The following FHIT variants were observed in gnomAD, a reference collection of about 807,000 sequenced individuals.
The protein encoded by FHIT is bis(5'-adenosyl)-triphosphatase.
A neutral mutation model predicts 17.9 loss-of-function variants in FHIT; 19 were observed. That is an observed-to-expected ratio of 1.06 (90% confidence interval 0.74 to 1.56). The LOEUF (loss-of-function observed/expected upper bound fraction) is 1.56, where lower values mean the gene tolerates loss of function less well. FHIT is among the 40% of genes most tolerant of loss of function. The pLI, the probability that FHIT is intolerant of heterozygous loss-of-function variation, is 0.00. For missense variants in FHIT, 248 were observed against 189.2 expected (o/e 1.31, Z -1.82); for synonymous variants, 81 against 69.7 (o/e 1.16, Z -0.81).
At chr3:59,991,215 T>C (rs1709218329) in intron 7 of FHIT, among the ~76,000 whole-genome samples, 1 of 152,098 alleles carries the variant, frequency 6.6e-6, no homozygotes, top group South Asian at 2.1e-4. Flanking sequence ...TGTATAGTAG[T>C]GTCTGACTTT....
intron 8 of FHIT, among the ~76,000 whole-genome samples, chr3:59,895,986 T>C (rs80054531): frequency 0.011 from 1,652 of 152,312 alleles, 36 homozygotes; most frequent in African/African-American, 0.037. Context: ...TGGCTGGCAC[T>C]TTCACATAAT....
chr3:60,673,855 A>G (rs1553694609), intron 4 of FHIT, among the ~76,000 whole-genome samples: 1 of 152,004 alleles, frequency 6.6e-6, no homozygotes, highest in African/African-American at 2.4e-5. Context: ...TTGGATTTTT[A>G]TCAGTTGGCC....
rs189051182 is a variant in FHIT at position 60,950,812 on chromosome 3, C to A, written c.-111+91235G>T. ...TGCTGAGATTACAGGCGTGAGCCAC[C>A]ATGCCCGGCCTAGGTAGGGCTTTTC... On this transcript the variant is annotated intron_variant, in intron 3 of 9. Transcript: ENST00000492590. 5.3e-5 allele frequency among the ~76,000 whole-genome samples: 8 copies of A among 151,494 alleles called. 1 individual carries two copies. The highest frequency in any genetic ancestry group is 2.6e-4 in the Admixed American group (4 of 15,252).
At chr3:59,754,212 G>GTAAGT (rs1701079003) in intron 8 of FHIT, among the ~76,000 whole-genome samples, 1 of 89,252 alleles carries the variant, frequency 1.1e-5, no homozygotes, top group Admixed American at 1.0e-4. Context: ...CTCCTGGTAA[G>GTAAGT]TAAGTTTGAG....
chr3:60,814,906 GTTGTTTTTT>G (rs1319559314), intron 4 of FHIT, among the ~76,000 whole-genome samples: 3 of 145,788 alleles, frequency 2.1e-5, no homozygotes, highest in Non-Finnish European at 4.5e-5. Flanking sequence ...TTTTGTTTTT[GTTGTTTTTT>G]TTTTTTTTAC....
chr3:59,998,857 C>T (rs756673407), intron 7 of FHIT, among the ~76,000 whole-genome samples: 11 of 152,136 alleles, frequency 7.2e-5, no homozygotes, highest in Admixed American at 4.6e-4. Context: ...ATTTAGAAAT[C>T]CAATAGTTAT....
intron 4 of FHIT, among the ~76,000 whole-genome samples, chr3:60,726,839 C>G (rs911720762): frequency 9.9e-5 from 15 of 152,024 alleles, no homozygotes; most frequent in Admixed American, 8.5e-4. Context: ...GACCTTGAAC[C>G]CTGTAGTCTA....
chr3:59,863,334 G>A (rs1219652351), intron 8 of FHIT, among the ~76,000 whole-genome samples: 2 of 152,172 alleles, frequency 1.3e-5, no homozygotes, highest in Admixed American at 6.5e-5. Context: ...AATTATTGGT[G>A]GTTTGGTCTA....
intron 5 of FHIT, among the ~76,000 whole-genome samples, chr3:60,079,954 C>A (rs992819534): frequency 2.0e-5 from 3 of 151,842 alleles, no homozygotes; most frequent in African/African-American, 4.8e-5. Context: ...TTTTTCTACT[C>A]CAATATGTTG....
At chr3:60,295,078 G>A (rs1396537387) in intron 5 of FHIT, among the ~76,000 whole-genome samples, 2 of 152,052 alleles carry the variant, frequency 1.3e-5, no homozygotes, top group African/African-American at 2.4e-5. Context: ...CAGTCCGCTT[G>A]TGTCGCTATA....
chr3:59,857,705 GTTT>G (rs78150569), intron 8 of FHIT, among the ~76,000 whole-genome samples: 6 of 115,394 alleles, frequency 5.2e-5, no homozygotes, highest in African/African-American at 1.1e-4. Context: ...AAAGTGCTGG[GTTT>G]TTTTTTTTTT....
chr3:60,441,044 G>C (rs1054222244), intron 5 of FHIT, among the ~76,000 whole-genome samples: 1 of 151,932 alleles, frequency 6.6e-6, no homozygotes, highest in Non-Finnish European at 1.5e-5. Flanking sequence ...CACCCCTTTT[G>C]TTTTTGCTTT....
intron 5 of FHIT, among the ~76,000 whole-genome samples, chr3:60,124,940 C>T (rs1162642931): frequency 2.0e-5 from 3 of 152,212 alleles, no homozygotes; most frequent in African/African-American, 7.2e-5. Context: ...TCAAAACCCA[C>T]ATATTAGATC....
At chr3:61,150,325 C>T (rs965269288) in intron 2 of FHIT, among the ~76,000 whole-genome samples, 2 of 151,790 alleles carry the variant, frequency 1.3e-5, no homozygotes, top group African/African-American at 2.4e-5. Context: ...GTGGGGAGCT[C>T]TCTATGTTCC....
chr3:61,169,291 T>C (rs2037928652), intron 2 of FHIT, among the ~76,000 whole-genome samples: 1 of 152,158 alleles, frequency 6.6e-6, no homozygotes. Context: ...TTTATCTCAA[T>C]TTGCAACTCA....
chr3:60,299,852 A>G (rs374393492), intron 5 of FHIT, among the ~76,000 whole-genome samples: 15 of 152,182 alleles, frequency 9.9e-5, no homozygotes, highest in African/African-American at 3.6e-4. Context: ...GGTAGGCCAC[A>G]CGTTTTTCAA....
At chr3:60,248,423 T>C (rs914306385) in intron 5 of FHIT, among the ~76,000 whole-genome samples, 3 of 152,160 alleles carry the variant, frequency 2.0e-5, no homozygotes, top group Non-Finnish European at 2.9e-5. Flanking sequence ...ATATTTCCCC[T>C]TCAGGGTGTA....
rs201487171 is a variant in FHIT at position 60,592,259 on chromosome 3, A to ACT, written c.-17-55282_-17-55281dup. 4.3e-3 allele frequency among the ~76,000 whole-genome samples: 618 copies of ACT among 143,086 alleles called. 4 individuals are homozygous for ACT. The highest frequency in any genetic ancestry group is 9.4e-3 in the African/African-American group (377 of 40,052). 93.9% of individuals were successfully genotyped at this position (143,086 alleles called of 152,430 possible). A position where few individuals can be genotyped will look rare whatever the true frequency, so the allele number is the denominator to read the frequency against. ...TATATTCCATATATATACTATATAT[A>ACT]CTCTCTCTCTATATATATATATATA... On this transcript the variant is annotated intron_variant, in intron 4 of 9. Transcript: ENST00000492590.
At chr3:60,135,795 T>C (rs990763228) in intron 5 of FHIT, among the ~76,000 whole-genome samples, 2 of 152,110 alleles carry the variant, frequency 1.3e-5, no homozygotes, top group Admixed American at 1.3e-4. Context: ...ACATGCTGAT[T>C]ACAGACACTT....
Sources: allele counts gnomAD v4.1 joint callset (sites outside exome capture counted in the v4.1 genomes callset), GRCh38; gene constraint gnomAD v4.1.1; transcripts MANE v1.5; gene names NCBI Gene and HGNC (gene_info 2026-07-23, HGNC 2026-07-21).